XYLT1: variants seen among roughly 807,000 people sequenced by gnomAD.
XYLT1 encodes the protein beta-D-xylosyltransferase 1.
A neutral mutation model predicts 91.3 loss-of-function variants in XYLT1; 36 were observed. The ratio of observed to expected loss-of-function variants is 0.39; its 90% CI spans 0.30 to 0.52. The LOEUF is 0.52. XYLT1 is among the 20% of genes least tolerant of loss of function. XYLT1 has a pLI of 0.68. For missense variants in XYLT1, 1,242 were observed against 1,284.5 expected, an observed-to-expected ratio of 0.97 and a Z score of 0.51; for synonymous variants, 588 against 532.0, an observed-to-expected ratio of 1.11 and a Z score of -1.45.
chr16:17,431,340 G>A (rs2036387765), intron 1 of XYLT1, among the ~76,000 whole-genome samples: 1 of 152,160 alleles, frequency 6.6e-6, no homozygotes, highest in Non-Finnish European at 1.5e-5. Context: ...GACTCAGAAG[G>A]TCGGGAGTGG....
intron 1 of XYLT1, among the ~76,000 whole-genome samples, chr16:17,368,930 T>G (rs1043498641): frequency 6.6e-6 from 1 of 151,992 alleles, no homozygotes; most frequent in Non-Finnish European, 1.5e-5. Flanking sequence ...TCCTGGATTA[T>G]GAATACCCTG....
chr16:17,297,404 G>A (rs530726096), intron 2 of XYLT1, among the ~76,000 whole-genome samples: 7 of 151,968 alleles, frequency 4.6e-5, no homozygotes, highest in African/African-American at 1.4e-4. Flanking sequence ...CGCCCCCACC[G>A]ACGGTGTCTC....
intron 6 of XYLT1, among the ~76,000 whole-genome samples, chr16:17,153,759 C>T (rs1431119304): frequency 2.0e-5 from 3 of 152,198 alleles, no homozygotes; most frequent in Non-Finnish European, 1.5e-5. Flanking sequence ...CCCCCATGTC[C>T]TGGTGGCACA....
intron 2 of XYLT1, among the ~76,000 whole-genome samples, chr16:17,306,423 C>T (rs141207155): frequency 1.2e-4 from 19 of 152,144 alleles, no homozygotes; most frequent in African/African-American, 4.1e-4. Context: ...GCAGGCGGCG[C>T]GCATGTGTAT....
At chr16:17,191,182 C>A (rs1243933596) in intron 5 of XYLT1, among the ~76,000 whole-genome samples, 2 of 152,234 alleles carry the variant, frequency 1.3e-5, no homozygotes, top group Non-Finnish European at 2.9e-5. Context: ...ACTGTATTCT[C>A]TCCCTCAGAC....
chr16:17,283,686 C>G (rs534011082), intron 2 of XYLT1, among the ~76,000 whole-genome samples: 1 of 152,176 alleles, frequency 6.6e-6, no homozygotes, highest in African/African-American at 2.4e-5. Context: ...GGACTTCCAA[C>G]GCAACCACAA....
In XYLT1 at chr16:17,276,274, G is replaced by A. The variant is rs141240556; in HGVS notation, c.403-16776C>T. On this transcript the variant is annotated intron_variant, in intron 2 of 11. Transcript: ENST00000261381. ...GCAAGTTTTCATTGGCCAAGTTCCT[G>A]AAGGAGGCTGCCATCTTGAAGGTCT... Among the ~76,000 whole-genome samples the A allele has an allele frequency of 4.6e-5, 7 of 152,342 alleles. 1 individual carries two copies. In the East Asian group the frequency reaches 1.3e-3, roughly 29 times the overall value.
At chr16:17,141,397 CAG>C in intron 6 of XYLT1, 28 bp from the exon 7 acceptor site, 6 of 1,601,524 alleles carry the variant, frequency 3.7e-6, no homozygotes, top group Non-Finnish European at 5.1e-6. Flanking sequence ...GCCCTTAGCC[CAG>C]AGGTGTCCTG....
chr16:17,345,632 C>G (rs904562966), intron 2 of XYLT1, among the ~76,000 whole-genome samples: 1 of 152,310 alleles, frequency 6.6e-6, no homozygotes, highest in South Asian at 2.1e-4. Context: ...AAGCTAAAAG[C>G]CTTTCTCAAA....
chr16:17,306,410 G>A (rs1038962703), intron 2 of XYLT1, among the ~76,000 whole-genome samples: 1 of 152,098 alleles, frequency 6.6e-6, no homozygotes, highest in African/African-American at 2.4e-5. Flanking sequence ...CTGGGAGGCC[G>A]AGGCAGGCGG....
At chr16:17,237,077 G>C (rs905777318) in intron 3 of XYLT1, among the ~76,000 whole-genome samples, 1 of 152,162 alleles carries the variant, frequency 6.6e-6, no homozygotes, top group African/African-American at 2.4e-5. Context: ...AGAAAGTAAC[G>C]TAAAGAACAA....
intron 2 of XYLT1, among the ~76,000 whole-genome samples, chr16:17,264,997 G>T (rs1269314186): frequency 1.3e-5 from 2 of 152,134 alleles, no homozygotes; most frequent in African/African-American, 2.4e-5. Flanking sequence ...GACCATCCTG[G>T]CTAACACTGT....
chr16:17,308,984 A>AAAAAAT (rs1294302930), intron 2 of XYLT1, among the ~76,000 whole-genome samples: 1 of 152,104 alleles, frequency 6.6e-6, no homozygotes, highest in Admixed American at 6.6e-5. Context: ...GAGCAAAAGC[A>AAAAAAT]AAAAATAAAA....
At chr16:17,418,402 C>T (rs938308837) in intron 1 of XYLT1, among the ~76,000 whole-genome samples, 4 of 152,122 alleles carry the variant, frequency 2.6e-5, no homozygotes, top group African/African-American at 7.2e-5. Flanking sequence ...CCTAATGCTC[C>T]CTTAAAAACA....
intron 9 of XYLT1, among the ~76,000 whole-genome samples, chr16:17,132,689 G>C (rs1301238277): frequency 6.6e-6 from 1 of 152,172 alleles, no homozygotes; most frequent in Non-Finnish European, 1.5e-5. Flanking sequence ...GATTGCCTGA[G>C]GTCAGGAGTT....
intron 2 of XYLT1, among the ~76,000 whole-genome samples, chr16:17,297,164 G>A (rs2034323879): frequency 6.6e-6 from 1 of 152,164 alleles, no homozygotes; most frequent in South Asian, 2.1e-4. Context: ...GCTTGAGTCA[G>A]GGAAATGAAT....
chr16:17,271,732 G>A (rs1596459448), intron 2 of XYLT1, among the ~76,000 whole-genome samples: 1 of 152,304 alleles, frequency 6.6e-6, no homozygotes, highest in Non-Finnish European at 1.5e-5. Context: ...TGGAGTAGGA[G>A]TGGGGCAAAA....
intron 1 of XYLT1, among the ~76,000 whole-genome samples, chr16:17,373,561 A>G (rs1451110269): frequency 6.6e-6 from 1 of 152,148 alleles, no homozygotes; most frequent in African/African-American, 2.4e-5. Flanking sequence ...GATGAATACT[A>G]TTATTTTTAC....
At chr16:17,201,512 T>C (rs896516372) in intron 3 of XYLT1, among the ~76,000 whole-genome samples, 1 of 151,710 alleles carries the variant, frequency 6.6e-6, no homozygotes. Flanking sequence ...TCTTACTCTG[T>C]TGCCCAGGCT....
Sources: gnomAD v4.1 joint callset for allele counts (sites outside exome capture counted in the v4.1 genomes callset) on GRCh38, gnomAD v4.1.1 for gene constraint, MANE v1.5 for transcripts, NCBI Gene and HGNC (gene_info 2026-07-23, HGNC 2026-07-21) for gene names.